Variants in LRRTM3 observed in about 807,000 individuals in gnomAD.
LRRTM3 encodes leucine-rich repeat transmembrane neuronal protein 3.
In LRRTM3, 24 loss-of-function variants were observed where a neutral mutation model predicts 44.7. That is an observed-to-expected ratio of 0.54 (90% confidence interval 0.39 to 0.76). LRRTM3 has a LOEUF of 0.76. Ranked by LOEUF, LRRTM3 falls within the 30% of genes least tolerant of loss-of-function variation. LRRTM3 has a pLI of 0.00. For synonymous variants in LRRTM3, 277 were observed against 278.7 expected (o/e 0.99, Z 0.06); for missense variants, 587 against 702.2 (o/e 0.84, Z 1.85).
chr10:66,938,508 A>T (rs560045739), intron 2 of LRRTM3, among the ~76,000 whole-genome samples: 5 of 152,320 alleles, frequency 3.3e-5, no homozygotes. Context: ...AGCGAAATGG[A>T]TAATCCTAAA....
intron 2 of LRRTM3, among the ~76,000 whole-genome samples, chr10:66,964,071 C>T (rs990732681): frequency 4.6e-5 from 7 of 151,822 alleles, no homozygotes; most frequent in South Asian, 2.1e-4. Flanking sequence ...AGGATGGTCT[C>T]GATCTTCTGA....
At chr10:67,037,889 T>C (rs1854161442) in intron 2 of LRRTM3, among the ~76,000 whole-genome samples, 1 of 152,098 alleles carries the variant, frequency 6.6e-6, no homozygotes. Flanking sequence ...GAGAGGTTGA[T>C]AGATTTAAAA....
chr10:66,957,429 C>CATATAT lies in LRRTM3; in HGVS notation c.1536+28984_1536+28989dup, dbSNP rs765398428. Among the ~76,000 whole-genome samples, 11 of 27,246 alleles carry CATATAT rather than the reference C, an allele frequency of 4.0e-4. 1 individual carries two copies. The highest frequency in any genetic ancestry group is 1.9e-3 in the African/African-American group (10 of 5,316). The allele number at this position is 27,246 out of a possible 152,430, so 17.9% of individuals were successfully genotyped here. A position where few individuals can be genotyped will look rare whatever the true frequency, so the allele number is the denominator to read the frequency against. ...ATATATATATGCATATATATATATG[C>CATATAT]ATATATATATATGCATATATATATA... On this transcript the variant is annotated intron_variant, in intron 2 of 2. Coordinates refer to ENST00000361320, the MANE Select transcript of LRRTM3 (RefSeq NM_178011.5).
rs192838759 is a variant in LRRTM3 at position 66,936,306 on chromosome 10, C to G, written c.1536+7854C>G. 2.9e-3 allele frequency among the ~76,000 whole-genome samples: 436 copies of G among 151,922 alleles called. 6 individuals carry two copies. Among genetic ancestry groups the G allele is most frequent in the Non-Finnish European group, 8.4e-4 (57 of 67,952 alleles). On this transcript the variant is annotated intron_variant, in intron 2 of 2. Transcript: ENST00000361320. ...AAAATAGCCAAAAGCTCACATTATA[C>G]GTTTCTTAATGTTAAAAAAAAAATC...
chr10:67,076,263 T>C (rs1856742581), intron 2 of LRRTM3, among the ~76,000 whole-genome samples: 1 of 152,256 alleles, frequency 6.6e-6, no homozygotes, highest in African/African-American at 2.4e-5. Context: ...TAATGCTAAC[T>C]TTTCACTGGA....
At chr10:66,952,953 C>G (rs531460435) in intron 2 of LRRTM3, among the ~76,000 whole-genome samples, 16 of 152,160 alleles carry the variant, frequency 1.1e-4, no homozygotes, top group African/African-American at 3.9e-4. Flanking sequence ...CTTTGAAATA[C>G]TTCCACAGAA....
At chr10:67,074,076 T>G (rs10997494) in intron 2 of LRRTM3, among the ~76,000 whole-genome samples, 70,426 of 137,946 alleles carry the variant, frequency 0.51, 18,568 homozygotes, top group Middle Eastern at 0.62. Context: ...TGGCTCTGTC[T>G]CCAGGCTGGA....
intron 2 of LRRTM3, among the ~76,000 whole-genome samples, chr10:66,938,525 C>T (rs1328965320): frequency 6.6e-6 from 1 of 152,050 alleles, no homozygotes; most frequent in African/African-American, 2.4e-5. Flanking sequence ...TAAAGGTCTT[C>T]ATTCTTGGCA....
intron 2 of LRRTM3, among the ~76,000 whole-genome samples, chr10:67,079,511 A>T (rs1856924421): frequency 1.3e-5 from 2 of 152,208 alleles, no homozygotes; most frequent in Non-Finnish European, 1.5e-5. Flanking sequence ...GCAAAGTATT[A>T]CAATTAAGCA....
chr10:67,085,061 T>C (rs1257834419), intron 2 of LRRTM3, among the ~76,000 whole-genome samples: 1 of 151,966 alleles, frequency 6.6e-6, no homozygotes, highest in East Asian at 1.9e-4. Flanking sequence ...TGTCCAAATA[T>C]GGTCTGAATT....
chr10:67,045,420 G>T (rs112303050), intron 2 of LRRTM3, among the ~76,000 whole-genome samples: 10,533 of 151,954 alleles, frequency 0.069, 421 homozygotes, highest in South Asian at 0.19. Context: ...TGGTTTTTTT[G>T]TTGTTGTTGT....
intron 2 of LRRTM3, among the ~76,000 whole-genome samples, chr10:67,002,444 C>T (rs1030201794): frequency 1.3e-4 from 20 of 152,008 alleles, no homozygotes; most frequent in Non-Finnish European, 2.2e-4. Context: ...ATGCTTTCTA[C>T]AAGGTTGAAT....
intron 2 of LRRTM3, among the ~76,000 whole-genome samples, chr10:66,979,272 C>G (rs532178642): frequency 4.6e-5 from 7 of 152,122 alleles, no homozygotes; most frequent in African/African-American, 1.4e-4. Context: ...CTGGTCATAA[C>G]TATTTCTTAA....
intron 2 of LRRTM3, among the ~76,000 whole-genome samples, chr10:66,996,721 A>G (rs889817767): frequency 6.8e-6 from 1 of 147,840 alleles, no homozygotes; most frequent in Admixed American, 6.9e-5. Context: ...ATTAGCGCCT[A>G]TGCAGTTTTC....
At chr10:66,960,200 A>C (rs1052983321) in intron 2 of LRRTM3, among the ~76,000 whole-genome samples, 6 of 152,240 alleles carry the variant, frequency 3.9e-5, no homozygotes, top group Non-Finnish European at 8.8e-5. Context: ...AACCATTTTC[A>C]CAATGAAAAT....
At chr10:66,975,309 C>T (rs1218861951) in intron 2 of LRRTM3, among the ~76,000 whole-genome samples, 1 of 152,104 alleles carries the variant, frequency 6.6e-6, no homozygotes, top group Non-Finnish European at 1.5e-5. Context: ...GAGTAGTATG[C>T]ACAACATGCA....
rs916694981 is a variant in LRRTM3, at chr10:67,066,342, G to A, written c.1537-31245G>A. ...CAAGTAACTGGGACTACAGGTGTGC[G>A]CCACCACATCAAGCTAATTTTTGTA... On this transcript the variant is annotated intron_variant, in intron 2 of 2. Coordinates refer to ENST00000361320, the MANE Select transcript of LRRTM3 (RefSeq NM_178011.5). Among the ~76,000 whole-genome samples, 4 of 151,848 alleles carry A rather than the reference G, an allele frequency of 2.6e-5. No homozygotes were observed. The East Asian group carries it at 5.8e-4, about 22-fold the overall frequency.
chr10:67,092,527 G>T (rs1857712193), intron 2 of LRRTM3, among the ~76,000 whole-genome samples: 1 of 151,812 alleles, frequency 6.6e-6, no homozygotes, highest in Non-Finnish European at 1.5e-5. Context: ...AAATTCATAT[G>T]AATGTTCATA....
At chr10:66,994,773 G>C (rs371008483) in intron 2 of LRRTM3, among the ~76,000 whole-genome samples, 1 of 152,138 alleles carries the variant, frequency 6.6e-6, no homozygotes, top group Non-Finnish European at 1.5e-5. Context: ...GCAGGGCTTT[G>C]TATATCTAAT....
Sources: allele counts gnomAD v4.1 joint callset (sites outside exome capture counted in the v4.1 genomes callset), GRCh38; gene constraint gnomAD v4.1.1; transcripts MANE v1.5; gene names NCBI Gene and HGNC (gene_info 2026-07-23, HGNC 2026-07-21).